Variants in CRPPA observed in about 807,000 individuals in gnomAD.
CRPPA encodes the protein CDP-L-ribitol pyrophosphorylase A.
A neutral mutation model predicts 52.0 loss-of-function variants in CRPPA; 43 were observed. The ratio of observed to expected loss-of-function variants is 0.83; its 90% confidence interval spans 0.65 to 1.07. The LOEUF is 1.07. CRPPA is among the 50% of genes least tolerant of loss of function. CRPPA has a pLI of 0.00. For missense variants in CRPPA, 629 were observed against 551.7 expected (o/e 1.14, Z -1.40); for synonymous variants, 250 against 203.5 (o/e 1.23, Z -1.94).
rs936541483 is a variant in CRPPA, at chr7:16,103,284, T to A, written c.1252-11485A>T. The stretch of plus-strand genomic sequence containing the variant: ...ACACATGGACACAGGAAGGGGAACA[T>A]CACACATCAGGGCCTGTTGGTGGGT... On this transcript the variant is annotated intron_variant, in intron 9 of 9. Coordinates refer to ENST00000407010, the MANE Select transcript of CRPPA (RefSeq NM_001101426.4). Among the ~76,000 whole-genome samples, 5 of 152,120 alleles carry A rather than the reference T, an allele frequency of 3.3e-5. No homozygotes were observed. In the South Asian group the frequency reaches 1.0e-3, roughly 32 times the overall value.
intron 1 of CRPPA, among the ~76,000 whole-genome samples, chr7:16,411,764 CAT>C (rs1788081692): frequency 1.3e-5 from 2 of 152,078 alleles, no homozygotes; most frequent in Admixed American, 6.6e-5. Context: ...ATTAGTGTGA[CAT>C]GTTCACTTTT....
At chr7:16,177,094 A>G (rs564527512) in intron 9 of CRPPA, among the ~76,000 whole-genome samples, 1 of 152,274 alleles carries the variant, frequency 6.6e-6, no homozygotes, top group South Asian at 2.1e-4. Flanking sequence ...GACATTGTTG[A>G]AAAGCCAAAA....
At chr7:16,374,006 T>C (rs747245255) in intron 3 of CRPPA, among the ~76,000 whole-genome samples, 1 of 152,178 alleles carries the variant, frequency 6.6e-6, no homozygotes, top group Non-Finnish European at 1.5e-5. Context: ...TTGGTTACAA[T>C]TGCCAGATAT....
chr7:16,338,824 T>C (rs1311052538), intron 3 of CRPPA, among the ~76,000 whole-genome samples: 2 of 150,144 alleles, frequency 1.3e-5, no homozygotes, highest in African/African-American at 4.9e-5. Context: ...TTTTTTTTTT[T>C]TTTTTTTTTG....
chr7:16,130,188 T>C (rs1221938232), intron 9 of CRPPA, among the ~76,000 whole-genome samples: 1 of 152,214 alleles, frequency 6.6e-6, no homozygotes, highest in African/African-American at 2.4e-5. Context: ...TGGGAATAGA[T>C]GACATTCTGC....
intron 4 of CRPPA, among the ~76,000 whole-genome samples, chr7:16,307,207 T>A (rs1056484959): frequency 6.6e-6 from 1 of 152,184 alleles, no homozygotes; most frequent in African/African-American, 2.4e-5. Flanking sequence ...TATTTCAAGA[T>A]TATGAAATAA....
At chr7:16,304,223 C>A (rs1240691939) in intron 4 of CRPPA, among the ~76,000 whole-genome samples, 1 of 152,034 alleles carries the variant, frequency 6.6e-6, no homozygotes, top group African/African-American at 2.4e-5. Context: ...GACAGCTGAT[C>A]CCTACTCCCA....
chr7:16,162,166 G>A (rs913187509), intron 9 of CRPPA, among the ~76,000 whole-genome samples: 15 of 151,504 alleles, frequency 9.9e-5, no homozygotes, highest in African/African-American at 2.2e-4. Flanking sequence ...AGGGTTTTTC[G>A]TGTCTCTCCT....
chr7:16,117,428 C>A (rs1343661533), intron 9 of CRPPA, among the ~76,000 whole-genome samples: 1 of 152,184 alleles, frequency 6.6e-6, no homozygotes, highest in East Asian at 1.9e-4. Context: ...TCTTCTGTTA[C>A]AGAGGCTGAG....
chr7:16,242,311 G>A (rs1783139125), intron 8 of CRPPA, among the ~76,000 whole-genome samples: 1 of 151,932 alleles, frequency 6.6e-6, no homozygotes, highest in South Asian at 2.1e-4. Context: ...TTACCTTTTA[G>A]TACTGCAACA....
At chr7:16,382,380 T>C (rs1485089427) in intron 2 of CRPPA, among the ~76,000 whole-genome samples, 7 of 152,242 alleles carry the variant, frequency 4.6e-5, no homozygotes, top group Non-Finnish European at 1.0e-4. Context: ...CTGATGGGCT[T>C]CCCTTTGCGG....
chr7:16,307,295 A>C lies in CRPPA; in HGVS notation c.789+1228T>G, dbSNP rs537995873. On this transcript the variant is annotated intron_variant, in intron 4 of 9. Coordinates refer to ENST00000407010, the MANE Select transcript of CRPPA (RefSeq NM_001101426.4). ...TCCTGTTCAATTCAACTAATGAAAC[A>C]AAGAATCACACTCTAAACCATCCCT... is the stretch of plus-strand genomic sequence containing the variant. 2.0e-5 allele frequency among the ~76,000 whole-genome samples: 3 copies of C among 152,322 alleles called. No homozygotes were observed. The East Asian group carries it at 5.8e-4, about 29-fold the overall frequency.
chr7:16,210,310 C>A (rs144568692), intron 9 of CRPPA, among the ~76,000 whole-genome samples: 1 of 152,272 alleles, frequency 6.6e-6, no homozygotes, highest in African/African-American at 2.4e-5. Flanking sequence ...GTGTGGTAGG[C>A]AGCATTTGAT....
chr7:16,345,326 C>A (rs1785984349), intron 3 of CRPPA, among the ~76,000 whole-genome samples: 1 of 152,118 alleles, frequency 6.6e-6, no homozygotes, highest in Non-Finnish European at 1.5e-5. Flanking sequence ...TGTTGCTAGT[C>A]AACCTGTGCT....
chr7:16,219,871 G>A (rs1233305878), intron 8 of CRPPA, among the ~76,000 whole-genome samples: 2 of 150,520 alleles, frequency 1.3e-5, no homozygotes, highest in Admixed American at 6.6e-5. Context: ...GGTACAAGGA[G>A]GAACTGGTAC....
intron 9 of CRPPA, among the ~76,000 whole-genome samples, chr7:16,160,433 C>T (rs1249094226): frequency 6.6e-6 from 1 of 152,120 alleles, no homozygotes; most frequent in Non-Finnish European, 1.5e-5. Flanking sequence ...GAATCCTTTC[C>T]CCATTGCTTG....
intron 9 of CRPPA, among the ~76,000 whole-genome samples, chr7:16,181,394 G>T (rs1170269524): frequency 6.6e-6 from 1 of 151,854 alleles, no homozygotes; most frequent in Non-Finnish European, 1.5e-5. Flanking sequence ...TCATTCATTA[G>T]CTATCACCAC....
At chr7:16,233,773 T>C (rs946348228) in intron 8 of CRPPA, among the ~76,000 whole-genome samples, 2 of 152,152 alleles carry the variant, frequency 1.3e-5, no homozygotes, top group Admixed American at 6.6e-5. Flanking sequence ...TCTTCACAGA[T>C]GGGGATTTGG....
At chr7:16,175,568 T>A (rs952354294) in intron 9 of CRPPA, among the ~76,000 whole-genome samples, 1 of 152,156 alleles carries the variant, frequency 6.6e-6, no homozygotes, top group African/African-American at 2.4e-5. Context: ...GCCAGAGAAC[T>A]GTGAGAACAA....
Sources: allele counts gnomAD v4.1 joint callset (sites outside exome capture counted in the v4.1 genomes callset), GRCh38; gene constraint gnomAD v4.1.1; transcripts MANE v1.5; gene names NCBI Gene and HGNC (gene_info 2026-07-23, HGNC 2026-07-21).